LRRC37A2: variants seen among roughly 807,000 people sequenced by gnomAD.
LRRC37A2 encodes leucine rich repeat containing 37 member A2.
In LRRC37A2, 9 loss-of-function variants were observed where a neutral mutation model predicts 68.8. The observed-to-expected ratio is 0.13, with a 90% CI of 0.08 to 0.23. The LOEUF (loss-of-function observed/expected upper bound fraction) is 0.23, where lower values mean the gene tolerates loss of function less well. LRRC37A2 is among the 10% of genes least tolerant of loss of function. The pLI, the probability that LRRC37A2 is intolerant of heterozygous loss-of-function variation, is 1.00. For missense variants in LRRC37A2, 168 were observed against 950.4 expected (o/e 0.18, Z 10.82); for synonymous variants, 63 against 367.6 (o/e 0.17, Z 9.48).
the LRRC37A2 span, chr17:46,936,772 T>C: frequency 5.1e-6 from 5 of 983,050 alleles, no homozygotes; most frequent in Non-Finnish European, 6.0e-6. Flanking sequence ...GTATTGTCAC[T>C]ATCTCGGGGA....
rs1347750023 is a variant in LRRC37A2, at chr17:46,548,657, G to C, written c.3518G>C (p.Ser1173Thr). Reference sequence around the variant, plus strand: ...AAGAGAGTCCTCATGGGCCCAAGGAGCATCCAGAAAAGGCACTTCAAAGAG... The same window carrying C: ...AAGAGAGTCCTCATGGGCCCAAGGACCATCCAGAAAAGGCACTTCAAAGAG... Residue 1173 changes from serine (S) to threonine (T), a missense_variant, in exon 10 of 15, where the codon AGC becomes ACC. Physicochemically the swap from Ser to Thr is moderately conservative, Grantham distance 58. Coordinates refer to ENST00000576629, the Ensembl canonical transcript of LRRC37A2. 5 of 1,606,094 alleles carry C rather than the reference G, an allele frequency of 3.1e-6. No homozygotes were observed. In the Admixed American group the frequency reaches 5.0e-5, roughly 16 times the overall value.
At chr17:46,685,226 T>C in the LRRC37A2 span, among the ~76,000 whole-genome samples, 3 of 146,964 alleles carry the variant, frequency 2.0e-5, no homozygotes, top group East Asian at 2.2e-4. Flanking sequence ...CATGGCTGCA[T>C]AGGTAACTTT....
the LRRC37A2 span, among the ~76,000 whole-genome samples, chr17:46,810,361 C>T: frequency 3.3e-5 from 5 of 152,142 alleles, no homozygotes; most frequent in African/African-American, 9.7e-5. Flanking sequence ...CTGGAAAGAA[C>T]CTGACACTTC....
At chr17:46,953,725 G>A in the LRRC37A2 span, among the ~76,000 whole-genome samples, 4 of 152,084 alleles carry the variant, frequency 2.6e-5, no homozygotes, top group Non-Finnish European at 4.4e-5. Context: ...TTTAATGATC[G>A]CCATTCTAAC....
At chr17:46,605,715 T>TAA in the LRRC37A2 span, among the ~76,000 whole-genome samples, 3 of 35,998 alleles carry the variant, frequency 8.3e-5, no homozygotes, top group Non-Finnish European at 1.6e-4. Flanking sequence ...TCCTGAAGGC[T>TAA]AAAAAAAAAA....
At chr17:46,965,406 C>T in the LRRC37A2 span, among the ~76,000 whole-genome samples, 1 of 152,226 alleles carries the variant, frequency 6.6e-6, no homozygotes, top group African/African-American at 2.4e-5. Context: ...ACTATGACTT[C>T]TGTGGCACCC....
chr17:46,864,733 G>A, the LRRC37A2 span, among the ~76,000 whole-genome samples: 1 of 152,168 alleles, frequency 6.6e-6, no homozygotes, highest in Non-Finnish European at 1.5e-5. Flanking sequence ...CTTGGTGGAA[G>A]CAATCAAGAG....
At chr17:46,803,305 A>G in the LRRC37A2 span, among the ~76,000 whole-genome samples, 1 of 152,244 alleles carries the variant, frequency 6.6e-6, no homozygotes. Context: ...AGGCCCAGAC[A>G]GGCAGATCAC....
the LRRC37A2 span, among the ~76,000 whole-genome samples, chr17:46,943,280 C>G: frequency 1.3e-5 from 2 of 152,184 alleles, no homozygotes; most frequent in African/African-American, 4.8e-5. Context: ...GGGTGCCCCT[C>G]ATTAACTGAC....
the LRRC37A2 span, among the ~76,000 whole-genome samples, chr17:46,903,057 G>A: frequency 2.6e-5 from 4 of 152,310 alleles, no homozygotes; most frequent in South Asian, 2.1e-4. Context: ...CAAGGCAGGC[G>A]GATCACTTGA....
chr17:46,923,658 C>T, the LRRC37A2 span: 4 of 1,075,556 alleles, frequency 3.7e-6, no homozygotes, highest in South Asian at 4.7e-5. Flanking sequence ...TATTTGTATT[C>T]TTATTCGATT....
the LRRC37A2 span, among the ~76,000 whole-genome samples, chr17:46,829,960 T>C: frequency 1.3e-5 from 2 of 152,260 alleles, no homozygotes; most frequent in Admixed American, 6.5e-5. Flanking sequence ...TTAAATGGCA[T>C]AGTTTACCCA....
chr17:46,779,332 G>A, the LRRC37A2 span, among the ~76,000 whole-genome samples: 3 of 152,212 alleles, frequency 2.0e-5, no homozygotes, highest in Non-Finnish European at 2.9e-5. Context: ...GGGGGATAGA[G>A]ACCTGCCTGG....
chr17:46,806,101 T>A, the LRRC37A2 span, among the ~76,000 whole-genome samples: 1 of 152,170 alleles, frequency 6.6e-6, no homozygotes, highest in African/African-American at 2.4e-5. Context: ...AAGCGAGGAA[T>A]TACTAGCTGC....
At chr17:46,978,520 C>T in the LRRC37A2 span, 3 of 1,226,612 alleles carry the variant, frequency 2.4e-6, no homozygotes, top group Non-Finnish European at 3.3e-6. Flanking sequence ...GCGTCCCCGC[C>T]CGGGCGCCCC....
chr17:46,847,873 C>T, the LRRC37A2 span, among the ~76,000 whole-genome samples: 1 of 152,064 alleles, frequency 6.6e-6, no homozygotes, highest in Admixed American at 6.5e-5. Context: ...GGGCAGGTGC[C>T]GGGAAGAGGA....
chr17:46,725,834 A>G, the LRRC37A2 span, among the ~76,000 whole-genome samples: 1 of 152,154 alleles, frequency 6.6e-6, no homozygotes, highest in African/African-American at 2.4e-5. Context: ...TAGTCTCTGG[A>G]ATAGTACCTT....
the LRRC37A2 span, chr17:46,756,519 G>A: frequency 6.6e-6 from 1 of 152,346 alleles, no homozygotes; most frequent in African/African-American, 2.4e-5. Context: ...TAAGAGATAT[G>A]CTCATTATTA....
At chr17:47,018,468 A>G in the LRRC37A2 span, 2 of 1,533,246 alleles carry the variant, frequency 1.3e-6, no homozygotes, top group Non-Finnish European at 1.8e-6. Context: ...AGCAGAGCCT[A>G]GTGCAGAGGT....
Sources: allele counts gnomAD v4.1 joint callset (sites outside exome capture counted in the v4.1 genomes callset), GRCh38; gene constraint gnomAD v4.1.1; transcripts MANE v1.5; gene names NCBI Gene and HGNC (gene_info 2026-07-23, HGNC 2026-07-21).